CFAP263: variants seen among roughly 807,000 people sequenced by gnomAD.
The protein encoded by CFAP263 is cilia and flagella associated protein 263.
At chr16:58,263,882 G>C in the CFAP263 span, among the ~76,000 whole-genome samples, 2 of 152,188 alleles carry the variant, frequency 1.3e-5, no homozygotes, top group South Asian at 4.1e-4. Context: ...GGGAGGCTGA[G>C]GCATAAGGAT....
chr16:58,250,153 C>T, the CFAP263 span: 2 of 1,297,738 alleles, frequency 1.5e-6, no homozygotes, highest in Non-Finnish European at 2.2e-6. Context: ...CCCTCTTCCT[C>T]CTAGGCCCTC....
At chr16:58,279,988 G>A in the CFAP263 span, 360 of 618,532 alleles carry the variant, frequency 5.8e-4, no homozygotes, top group Non-Finnish European at 9.0e-4. Context: ...GAACCACAGG[G>A]CACTCTAATG....
At chr16:58,255,031 C>T in the CFAP263 span, among the ~76,000 whole-genome samples, 9 of 152,140 alleles carry the variant, frequency 5.9e-5, no homozygotes, top group African/African-American at 2.2e-4. Context: ...AATTGGCTCA[C>T]GTGATTACAA....
chr16:58,265,849 C>T, the CFAP263 span, among the ~76,000 whole-genome samples: 6 of 152,190 alleles, frequency 3.9e-5, no homozygotes, highest in Non-Finnish European at 7.3e-5. Context: ...ATACCTGCCC[C>T]GGCAGAGCCA....
chr16:58,280,253 C>A, the CFAP263 span: 2 of 1,612,904 alleles, frequency 1.2e-6, no homozygotes, highest in Admixed American at 1.7e-5. Flanking sequence ...AAAACAAGCA[C>A]GAAGGAAACC....
At chr16:58,255,713 C>G in the CFAP263 span, among the ~76,000 whole-genome samples, 95 of 152,198 alleles carry the variant, frequency 6.2e-4, no homozygotes, top group African/African-American at 2.2e-3. Context: ...CTCCTGCCGC[C>G]ACCACACCCA....
chr16:58,267,462 GTGT>G, the CFAP263 span: 2 of 1,553,770 alleles, frequency 1.3e-6, no homozygotes, highest in Non-Finnish European at 1.8e-6. Flanking sequence ...AAGACTTGCT[GTGT>G]TGTTATATTT....
chr16:58,282,009 AT>A, the CFAP263 span: 11,183 of 131,058 alleles, frequency 0.085, 544 homozygotes, highest in Middle Eastern at 0.13. Context: ...TGCCCAGCTA[AT>A]TTTTTTTTTT....
At chr16:58,279,886 C>A in the CFAP263 span, 2 of 883,466 alleles carry the variant, frequency 2.3e-6, no homozygotes, top group Non-Finnish European at 3.5e-6. Flanking sequence ...GTGTTCCCAA[C>A]CCCCCACCCA....
the CFAP263 span, among the ~76,000 whole-genome samples, chr16:58,268,136 G>C: frequency 6.6e-6 from 1 of 152,000 alleles, no homozygotes; most frequent in Non-Finnish European, 1.5e-5. Context: ...AGCAGAGACC[G>C]GCTGAAGGAC....
chr16:58,268,079 C>T, the CFAP263 span, among the ~76,000 whole-genome samples: 1 of 150,808 alleles, frequency 6.6e-6, no homozygotes. Context: ...AACCATACGA[C>T]ATCTCGCCGA....
At chr16:58,268,999 A>ATT in the CFAP263 span, among the ~76,000 whole-genome samples, 1 of 152,054 alleles carries the variant, frequency 6.6e-6, no homozygotes, top group Non-Finnish European at 1.5e-5. Flanking sequence ...ATTTTAGAAC[A>ATT]TTTTCATCAC....
At chr16:58,262,589 A>AATGCCTACAAAGTAAGG in the CFAP263 span, 18 of 1,516,778 alleles carry the variant, frequency 1.2e-5, no homozygotes, top group Middle Eastern at 3.6e-4. Context: ...TTCCACACTC[A>AATGCCTACAAAGTAAGG]CCTTTCTGGC....
At chr16:58,268,109 C>T in the CFAP263 span, among the ~76,000 whole-genome samples, 1 of 151,916 alleles carries the variant, frequency 6.6e-6, no homozygotes. Context: ...TGTACACTTA[C>T]ATCCTGAGTG....
the CFAP263 span, among the ~76,000 whole-genome samples, chr16:58,279,328 G>A: frequency 2.6e-5 from 4 of 152,166 alleles, no homozygotes; most frequent in African/African-American, 9.7e-5. Flanking sequence ...CCCATTTCCT[G>A]TGTTACTTTG....
the CFAP263 span, among the ~76,000 whole-genome samples, chr16:58,265,540 CCAA>C: frequency 6.6e-4 from 100 of 152,264 alleles, no homozygotes; most frequent in Non-Finnish European, 8.1e-4. Context: ...GTGCCTTCTG[CCAA>C]CAATAAGTGA....
At chr16:58,280,376 AC>A in the CFAP263 span, 2 of 1,614,044 alleles carry the variant, frequency 1.2e-6, no homozygotes, top group Non-Finnish European at 1.7e-6. Flanking sequence ...GCCTCAGGAG[AC>A]CTGCCTGATT....
chr16:58,264,567 G>T, the CFAP263 span, among the ~76,000 whole-genome samples: 83,837 of 151,892 alleles, frequency 0.55, 24,140 homozygotes, highest in African/African-American at 0.71. Context: ...CTTCATCTGG[G>T]CAAGATTCTT....
At chr16:58,275,686 G>T in the CFAP263 span, among the ~76,000 whole-genome samples, 8 of 152,144 alleles carry the variant, frequency 5.3e-5, no homozygotes, top group Non-Finnish European at 1.0e-4. Flanking sequence ...ATAAAGCTTT[G>T]ATATTGATAC....
Sources: allele counts gnomAD v4.1 joint callset (sites outside exome capture counted in the v4.1 genomes callset), GRCh38; gene constraint gnomAD v4.1.1; transcripts MANE v1.5; gene names NCBI Gene and HGNC (gene_info 2026-07-23, HGNC 2026-07-21).